The following NGEF variants were observed in gnomAD, a reference collection of about 807,000 sequenced individuals.
NGEF encodes neuronal guanine nucleotide exchange factor.
NGEF carries 31 observed loss-of-function variants against 80.9 expected under a neutral mutation model. The observed-to-expected ratio is 0.38, with a 90% CI of 0.29 to 0.52. NGEF has a LOEUF of 0.52. Among genes scored for constraint, NGEF ranks in the 20% least tolerant of loss-of-function variants. The probability of loss-of-function intolerance (pLI) is 0.84; values close to 1 mark genes in which losing one functional copy is unlikely to be tolerated. For synonymous variants in NGEF, 371 were observed against 370.2 expected (o/e 1.00, Z -0.03); for missense variants, 709 against 926.2 (o/e 0.77, Z 3.04).
At chr2:232,923,527 G>C (rs1692991211) in intron 4 of NGEF, among the ~76,000 whole-genome samples, 3 of 152,116 alleles carry the variant, frequency 2.0e-5, no homozygotes. Context: ...CTTGAGGTCA[G>C]GAGTTCGAGA....
chr2:232,920,344 G>C lies in NGEF; in HGVS notation c.768C>G (p.Pro256=). The change falls in exon 5 of 15, where the codon CCC becomes CCG. Residue 256 remains proline, a synonymous_variant. Transcript: ENST00000264051. ...CAAGCACCCCGCTGCTCCGGATCTCGGGAAGATCCTGCCAGAGGTTGAACC... is the reference window on the plus strand; with the variant it reads ...CAAGCACCCCGCTGCTCCGGATCTCCGGAAGATCCTGCCAGAGGTTGAACC... ...HSRFNLWQDL[P]EIRSSGVLEI... 1.9e-6 allele frequency: 3 copies of C among 1,614,094 alleles called. No homozygotes were observed. Among genetic ancestry groups the C allele is most frequent in the East Asian group, 4.5e-5 (2 of 44,876 alleles).
At chr2:232,913,544 A>G (rs1259475740) in intron 5 of NGEF, among the ~76,000 whole-genome samples, 2 of 152,134 alleles carry the variant, frequency 1.3e-5, no homozygotes, top group Non-Finnish European at 2.9e-5. Flanking sequence ...TCCCAGTTCT[A>G]CTGATTACTG....
At chr2:232,912,636 G>T (rs910896764) in intron 5 of NGEF, among the ~76,000 whole-genome samples, 1 of 152,064 alleles carries the variant, frequency 6.6e-6, no homozygotes, top group African/African-American at 2.4e-5. Context: ...AAACTTATGG[G>T]CCTACAGATG....
intron 3 of NGEF, among the ~76,000 whole-genome samples, chr2:232,949,192 A>G (rs1225793575): frequency 2.6e-5 from 4 of 152,184 alleles, no homozygotes; most frequent in Non-Finnish European, 5.9e-5. Flanking sequence ...CCTGAATGTG[A>G]GCCCCATGAA....
intron 1 of NGEF, among the ~76,000 whole-genome samples, chr2:233,004,607 G>A (rs1399620534): frequency 6.6e-6 from 1 of 152,188 alleles, no homozygotes; most frequent in Non-Finnish European, 1.5e-5. Flanking sequence ...CTGGTCCTTT[G>A]TGGAAAAACA....
At chr2:232,964,042 A>T (rs969379764) in intron 3 of NGEF, among the ~76,000 whole-genome samples, 1 of 152,224 alleles carries the variant, frequency 6.6e-6, no homozygotes, top group Non-Finnish European at 1.5e-5. Flanking sequence ...CCATAGTGAG[A>T]AACCACAATA....
intron 5 of NGEF, among the ~76,000 whole-genome samples, chr2:232,919,529 G>A (rs185449233): frequency 6.6e-6 from 1 of 151,522 alleles, no homozygotes; most frequent in Non-Finnish European, 1.5e-5. Flanking sequence ...CATTCTTCCT[G>A]TTTACTCCTG....
chr2:232,925,368 GTTGAGC>G (rs1480114231), intron 4 of NGEF, among the ~76,000 whole-genome samples: 1 of 152,218 alleles, frequency 6.6e-6, no homozygotes. Flanking sequence ...TCAACACTCT[GTTGAGC>G]TACTATGGGT....
intron 3 of NGEF, among the ~76,000 whole-genome samples, chr2:232,931,152 T>C (rs1235601894): frequency 6.6e-6 from 1 of 152,150 alleles, no homozygotes; most frequent in African/African-American, 2.4e-5. Context: ...AGGTCCCAAG[T>C]AAGTTTAAAG....
At chr2:232,943,206 A>G (rs993475134) in intron 3 of NGEF, among the ~76,000 whole-genome samples, 13 of 151,938 alleles carry the variant, frequency 8.6e-5, no homozygotes, top group African/African-American at 3.1e-4. Flanking sequence ...CTTGCCAGAA[A>G]TACAAGTTTC....
rs1020283910 is a variant in NGEF, at chr2:232,882,257, A to T, written c.1766T>A (p.Met589Lys). The change falls in exon 13 of 15, where the codon ATG (methionine) becomes AAG (lysine). Residue 589 changes from methionine to lysine, a missense_variant. Met to Lys is a moderately conservative substitution (Grantham distance 95). Transcript: ENST00000264051. ...GGCCAGTGAGGTCATCCAACGCTTC[A>T]TCTCACTCCTGGCACAGGGAAGAGG... is the stretch of plus-strand genomic sequence containing the variant. ...YMLKASSQSE[M>K]KRWMTSLAPN... 6.2e-7 allele frequency: 1 copy of T among 1,613,490 alleles called. No homozygotes were observed. Among genetic ancestry groups the T allele is most frequent in the Non-Finnish European group, 8.5e-7 (1 of 1,179,852 alleles).
intron 3 of NGEF, among the ~76,000 whole-genome samples, chr2:232,927,699 C>A (rs186431878): frequency 2.5e-3 from 382 of 152,068 alleles, no homozygotes; most frequent in Middle Eastern, 6.8e-3. Context: ...TCCCAGGGGC[C>A]CGGGCCGGGG....
chr2:232,957,436 C>T (rs1170247418), intron 3 of NGEF, among the ~76,000 whole-genome samples: 11 of 152,122 alleles, frequency 7.2e-5, no homozygotes, highest in Non-Finnish European at 1.5e-5. Flanking sequence ...AATTCTCCTG[C>T]CTCAGCCTCC....
chr2:232,924,159 C>T (rs1083519), intron 4 of NGEF, among the ~76,000 whole-genome samples: 65,754 of 151,710 alleles, frequency 0.43, 14,306 homozygotes, highest in Admixed American at 0.46. Flanking sequence ...ATCACTTGAA[C>T]CCGGGAGGAG....
intron 5 of NGEF, among the ~76,000 whole-genome samples, chr2:232,899,646 GTTCACTCACA>G (rs1167069795): frequency 9.8e-6 from 1 of 102,278 alleles, no homozygotes; most frequent in Non-Finnish European, 2.0e-5. Flanking sequence ...TCATATACAC[GTTCACTCACA>G]TTCACTCACA....
chr2:232,919,028 A>G (rs1319484332), intron 5 of NGEF, among the ~76,000 whole-genome samples: 1 of 152,168 alleles, frequency 6.6e-6, no homozygotes, highest in Non-Finnish European at 1.5e-5. Flanking sequence ...AAGTCTAAAC[A>G]TTTTCCATAC....
intron 8 of NGEF, 79 bp downstream of exon 8, chr2:232,891,279 A>G: frequency 6.4e-7 from 1 of 1,568,902 alleles, no homozygotes; most frequent in Non-Finnish European, 8.7e-7. Context: ...TAGACCTCCT[A>G]GAAAGCTGAC....
Position 232,891,428 on chromosome 2 carries a change from C to A in NGEF, c.1202G>T (p.Arg401Met). ...IAQLELDPKC[R>M]GLPFSSFLIL... ...GAGGAAGGAGGAGAAGGGCAGCCCCCTGCACTTGGGGTCGAGCTCTAGCTG... is the reference window on the plus strand; with the variant it reads ...GAGGAAGGAGGAGAAGGGCAGCCCCATGCACTTGGGGTCGAGCTCTAGCTG... The change falls in exon 8 of 15, where the codon AGG becomes ATG. Residue 401 changes from arginine (R) to methionine (M), a missense_variant. Physicochemically the swap from Arg to Met is moderately conservative, Grantham distance 91. Around this residue, in one of 2 missense-constraint regions of NGEF, gnomAD observed 426 missense variants for 622.9 expected, o/e 0.68. Coordinates refer to ENST00000264051, the MANE Select transcript of NGEF (RefSeq NM_019850.3). The A allele has an allele frequency of 6.2e-7, 1 of 1,613,482 alleles. No individual in the cohort carries two copies.
chr2:232,946,943 G>C (rs1474490417), intron 3 of NGEF, among the ~76,000 whole-genome samples: 1 of 130,676 alleles, frequency 7.7e-6, no homozygotes, highest in East Asian at 2.1e-4. Flanking sequence ...ACAAAGGAAG[G>C]GTCTTCTTCA....
Sources: allele counts gnomAD v4.1 joint callset (sites outside exome capture counted in the v4.1 genomes callset), GRCh38; gene constraint gnomAD v4.1.1; regional missense constraint gnomAD v4.1.1; transcripts MANE v1.5; gene names NCBI Gene and HGNC (gene_info 2026-07-23, HGNC 2026-07-21).